NKAIN2: variants seen among roughly 807,000 people sequenced by gnomAD.
NKAIN2 encodes sodium/potassium transporting ATPase interacting 2.
A neutral mutation model predicts 32.6 loss-of-function variants in NKAIN2; 14 were observed. The observed-to-expected ratio is 0.43, with a 90% CI of 0.28 to 0.67. NKAIN2 has a LOEUF of 0.67. Among genes scored for constraint, NKAIN2 ranks in the 30% least tolerant of loss-of-function variants. The pLI is 0.17. For synonymous variants in NKAIN2, 80 were observed against 87.2 expected, an observed-to-expected ratio of 0.92 and a Z score of 0.46; for missense variants, 198 against 258.3, an observed-to-expected ratio of 0.77 and a Z score of 1.60.
At chr6:123,821,807 TA>T (rs1773935077) in intron 1 of NKAIN2, among the ~76,000 whole-genome samples, 1 of 152,152 alleles carries the variant, frequency 6.6e-6, no homozygotes, top group African/African-American at 2.4e-5. Context: ...TGAGTATGAA[TA>T]AAGTGATTTT....
intron 1 of NKAIN2, among the ~76,000 whole-genome samples, chr6:123,911,400 AGAG>A (rs1406678643): frequency 6.6e-6 from 1 of 152,054 alleles, no homozygotes; most frequent in African/African-American, 2.4e-5. Flanking sequence ...AGCAAGAGAG[AGAG>A]GAGGAGGTGC....
At chr6:124,458,186 TAC>T (rs1472790550) in intron 3 of NKAIN2, among the ~76,000 whole-genome samples, 2 of 151,966 alleles carry the variant, frequency 1.3e-5, no homozygotes, top group Non-Finnish European at 1.5e-5. Context: ...ATTGAAATAT[TAC>T]AGTTATTAAA....
chr6:123,918,710 A>C (rs538283895), intron 1 of NKAIN2, among the ~76,000 whole-genome samples: 58 of 152,174 alleles, frequency 3.8e-4, no homozygotes, highest in Non-Finnish European at 7.5e-4. Context: ...TGAAGGCCTT[A>C]CTAGAGAAAG....
chr6:124,128,071 C>T (rs558215915), intron 1 of NKAIN2, among the ~76,000 whole-genome samples: 9 of 152,222 alleles, frequency 5.9e-5, no homozygotes, highest in East Asian at 1.9e-4. Context: ...TCAGGTGATC[C>T]GCCCACCTTG....
At chr6:124,365,341 C>G (rs1428630090) in intron 3 of NKAIN2, among the ~76,000 whole-genome samples, 2 of 151,750 alleles carry the variant, frequency 1.3e-5, no homozygotes, top group Non-Finnish European at 1.5e-5. Flanking sequence ...CAAGTAAAAT[C>G]TGTTCCTATA....
intron 3 of NKAIN2, among the ~76,000 whole-genome samples, chr6:124,365,997 A>G (rs538321874): frequency 6.6e-6 from 1 of 152,164 alleles, no homozygotes; most frequent in Non-Finnish European, 1.5e-5. Context: ...GCTTAGAGGA[A>G]AAAATGACCT....
At chr6:124,153,372 A>G (rs922830697) in intron 1 of NKAIN2, among the ~76,000 whole-genome samples, 5 of 151,836 alleles carry the variant, frequency 3.3e-5, no homozygotes, top group South Asian at 2.1e-4. Context: ...TTTGATTTCT[A>G]TAATAACAAA....
chr6:124,246,346 A>G (rs1793395518), intron 1 of NKAIN2, among the ~76,000 whole-genome samples: 1 of 152,050 alleles, frequency 6.6e-6, no homozygotes, highest in Non-Finnish European at 1.5e-5. Context: ...CATGCCATTC[A>G]GTATCACCCA....
At chr6:124,182,152 C>T (rs991617393) in intron 1 of NKAIN2, among the ~76,000 whole-genome samples, 5 of 152,118 alleles carry the variant, frequency 3.3e-5, no homozygotes, top group African/African-American at 1.2e-4. Context: ...GGGGAACTCT[C>T]CTTTATAAAA....
intron 5 of NKAIN2, among the ~76,000 whole-genome samples, chr6:124,798,063 TTATC>T (rs35465154): frequency 0.14 from 20,295 of 148,420 alleles, 1,421 homozygotes; most frequent in African/African-American, 0.16. Flanking sequence ...TATCTATCTA[TTATC>T]TATCTATCTA....
chr6:124,442,023 T>G (rs1008476854), intron 3 of NKAIN2, among the ~76,000 whole-genome samples: 2 of 152,094 alleles, frequency 1.3e-5, no homozygotes, highest in Non-Finnish European at 2.9e-5. Flanking sequence ...TCTGTCGTGT[T>G]GGCAGGTGCT....
chr6:124,568,143 T>G (rs2114910734), intron 3 of NKAIN2, among the ~76,000 whole-genome samples: 1 of 152,350 alleles, frequency 6.6e-6, no homozygotes, highest in South Asian at 2.1e-4. Flanking sequence ...GCCAAGTGGC[T>G]GACCCCAAAG....
At chr6:124,050,045 G>A (rs1012778175) in intron 1 of NKAIN2, among the ~76,000 whole-genome samples, 5 of 151,936 alleles carry the variant, frequency 3.3e-5, no homozygotes, top group Admixed American at 6.6e-5. Flanking sequence ...AAAGAAATTT[G>A]CGTGTAGTAT....
intron 1 of NKAIN2, among the ~76,000 whole-genome samples, chr6:123,865,426 T>C (rs1775943893): frequency 6.6e-6 from 1 of 152,138 alleles, no homozygotes; most frequent in Non-Finnish European, 1.5e-5. Context: ...TAAGCAGTAT[T>C]TTTACATTCT....
chr6:124,439,958 A>T (rs1233987838), intron 3 of NKAIN2, among the ~76,000 whole-genome samples: 1 of 152,040 alleles, frequency 6.6e-6, no homozygotes, highest in Non-Finnish European at 1.5e-5. Context: ...CTCAGGATTA[A>T]CACCTGAGGG....
chr6:124,424,711 C>G (rs1429960481), intron 3 of NKAIN2, among the ~76,000 whole-genome samples: 1 of 109,462 alleles, frequency 9.1e-6, no homozygotes, highest in African/African-American at 2.7e-5. Context: ...AGCATAATGA[C>G]CCCCCCACCA....
chr6:124,526,438 A>G (rs1453592852), intron 3 of NKAIN2, among the ~76,000 whole-genome samples: 1 of 152,272 alleles, frequency 6.6e-6, no homozygotes, highest in South Asian at 2.1e-4. Flanking sequence ...TTTCTGCCAA[A>G]TGAAAATGGT....
At chr6:123,873,999 C>T (rs1773042277) in intron 1 of NKAIN2, among the ~76,000 whole-genome samples, 1 of 152,114 alleles carries the variant, frequency 6.6e-6, no homozygotes, top group Non-Finnish European at 1.5e-5. Flanking sequence ...AATATCTGCT[C>T]ATATTATGCC....
intron 1 of NKAIN2, among the ~76,000 whole-genome samples, chr6:124,122,126 G>A (rs952125078): frequency 6.6e-6 from 1 of 151,992 alleles, no homozygotes; most frequent in Non-Finnish European, 1.5e-5. Context: ...TGGTATTGAA[G>A]ACAACTTGGA....
Sources: gnomAD v4.1 joint callset for allele counts (sites outside exome capture counted in the v4.1 genomes callset) on GRCh38, gnomAD v4.1.1 for gene constraint, MANE v1.5 for transcripts, NCBI Gene and HGNC (gene_info 2026-07-23, HGNC 2026-07-21) for gene names.